PDE4D: variants seen among roughly 807,000 people sequenced by gnomAD.
The protein encoded by PDE4D is 3',5'-cyclic-AMP phosphodiesterase 4D.
Under a neutral mutation model 87.4 loss-of-function variants are expected in PDE4D, and 24 were observed. The observed-to-expected ratio is 0.27, with a 90% CI of 0.20 to 0.39. The LOEUF (loss-of-function observed/expected upper bound fraction) is 0.39. Ranked by LOEUF, PDE4D falls within the 10% of genes least tolerant of loss-of-function variation. The pLI, the probability that PDE4D is intolerant of heterozygous loss-of-function variation, is 1.00. For synonymous variants in PDE4D, 384 were observed against 383.2 expected (o/e 1.00, Z -0.02); for missense variants, 714 against 1,041.0 (o/e 0.69, Z 4.32).
chr5:59,727,040 G>A (rs1040027053), intron 1 of PDE4D, among the ~76,000 whole-genome samples: 9 of 151,900 alleles, frequency 5.9e-5, no homozygotes, highest in African/African-American at 1.9e-4. Flanking sequence ...CAAAACATAC[G>A]ATATATAATA....
At chr5:59,020,381 G>A (rs903823122) in intron 6 of PDE4D, among the ~76,000 whole-genome samples, 1 of 152,142 alleles carries the variant, frequency 6.6e-6, no homozygotes, top group South Asian at 2.1e-4. Context: ...GCTGAGGCAG[G>A]AGAATCACTT....
intron 1 of PDE4D, among the ~76,000 whole-genome samples, chr5:59,832,361 T>G (rs1323456012): frequency 6.6e-6 from 1 of 152,032 alleles, no homozygotes; most frequent in African/African-American, 2.4e-5. Context: ...TAGGAAGATG[T>G]TGGGATCATG....
chr5:59,571,096 G>T (rs771204074), intron 1 of PDE4D, among the ~76,000 whole-genome samples: 3 of 152,094 alleles, frequency 2.0e-5, no homozygotes, highest in Non-Finnish European at 4.4e-5. Flanking sequence ...ATGTATATTG[G>T]TATGAAAATC....
chr5:60,421,808 C>T (rs566728680), intron 1 of PDE4D, among the ~76,000 whole-genome samples: 19 of 152,184 alleles, frequency 1.2e-4, no homozygotes, highest in African/African-American at 3.4e-4. Flanking sequence ...AAATGTTGGA[C>T]GAATGGCAAA....
At chr5:59,494,471 A>AAACAC (rs1806787139) in intron 1 of PDE4D, among the ~76,000 whole-genome samples, 1 of 152,180 alleles carries the variant, frequency 6.6e-6, no homozygotes, top group South Asian at 2.1e-4. Context: ...AAACAAAACA[A>AAACAC]ACAAACAAAC....
intron 1 of PDE4D, among the ~76,000 whole-genome samples, chr5:59,286,113 G>A (rs1581768086): frequency 6.6e-6 from 1 of 152,272 alleles, no homozygotes; most frequent in Admixed American, 6.5e-5. Flanking sequence ...GGACCGAAGG[G>A]CACTAAGTGC....
At chr5:59,067,041 G>T (rs1443479903) in intron 5 of PDE4D, among the ~76,000 whole-genome samples, 1 of 144,724 alleles carries the variant, frequency 6.9e-6, no homozygotes, top group Admixed American at 7.0e-5. Context: ...TAGAGAGAGA[G>T]TTTTGCTCTG....
At chr5:59,493,357 C>T (rs889742979) in intron 1 of PDE4D, among the ~76,000 whole-genome samples, 1 of 152,110 alleles carries the variant, frequency 6.6e-6, no homozygotes, top group African/African-American at 2.4e-5. Flanking sequence ...TACGTAAATG[C>T]CTTGCAATAA....
intron 2 of PDE4D, among the ~76,000 whole-genome samples, chr5:59,990,155 C>T (rs1762862724): frequency 6.6e-6 from 1 of 152,136 alleles, no homozygotes; most frequent in Non-Finnish European, 1.5e-5. Flanking sequence ...CCTTACTATA[C>T]AACTATCTTT....
intron 5 of PDE4D, among the ~76,000 whole-genome samples, chr5:59,064,309 A>G (rs1763570022): frequency 6.6e-6 from 1 of 152,154 alleles, no homozygotes; most frequent in Non-Finnish European, 1.5e-5. Flanking sequence ...TTTTTAAATC[A>G]ACTAGCAGAC....
chr5:59,394,340 G>A (rs1788882456), intron 1 of PDE4D, among the ~76,000 whole-genome samples: 1 of 152,154 alleles, frequency 6.6e-6, no homozygotes. Context: ...TAGGCAAAAT[G>A]CAACCCTCTC....
rs7717248 is a variant in PDE4D, at chr5:59,427,621, G to T, written c.456-211653C>A. On this transcript the variant is annotated intron_variant, in intron 1 of 14. Transcript: ENST00000340635. ...GGCCAAGGCAGGAGGGTCATTTGAG[G>T]CCAACTGTTTGAGAAGAGCCTGGGC... Among the ~76,000 whole-genome samples, 785 of 152,034 alleles carry T rather than the reference G, an allele frequency of 5.2e-3. 10 individuals are homozygous for T. Among genetic ancestry groups the T allele is most frequent in the African/African-American group, 0.017 (702 of 41,446 alleles).
At chr5:59,716,525 T>C (rs1326080177) in intron 1 of PDE4D, among the ~76,000 whole-genome samples, 1 of 152,218 alleles carries the variant, frequency 6.6e-6, no homozygotes, top group Non-Finnish European at 1.5e-5. Flanking sequence ...TGGAGAGGAA[T>C]TGAGCATCGT....
intron 1 of PDE4D, among the ~76,000 whole-genome samples, chr5:59,827,200 A>C (rs968998178): frequency 6.6e-6 from 1 of 152,030 alleles, no homozygotes; most frequent in East Asian, 1.9e-4. Flanking sequence ...AGACTGGTTA[A>C]ATATTAGCCT....
Position 59,487,581 on chromosome 5 carries a change from G to C in PDE4D, c.456-271613C>G, listed in dbSNP as rs377366562. 9.9e-5 allele frequency among the ~76,000 whole-genome samples: 15 copies of C among 151,948 alleles called. No individual in the cohort carries two copies. In the East Asian group the frequency reaches 1.9e-3, roughly 20 times the overall value. On this transcript the variant is annotated intron_variant, in intron 1 of 14. Transcript: ENST00000340635. The stretch of plus-strand genomic sequence containing the variant: ...TAGTCTATTTGATTAAATGCACAGT[G>C]GTTCCAGAAAGCATTTAAGGCAGTT...
intron 2 of PDE4D, among the ~76,000 whole-genome samples, chr5:60,011,421 C>CA (rs1231654220): frequency 6.6e-6 from 1 of 152,034 alleles, no homozygotes; most frequent in Non-Finnish European, 1.5e-5. Context: ...TAATACTTGG[C>CA]AAAAACGAGA....
At chr5:59,211,514 G>GTT (rs1750073198) in intron 2 of PDE4D, among the ~76,000 whole-genome samples, 1 of 152,022 alleles carries the variant, frequency 6.6e-6, no homozygotes, top group Non-Finnish European at 1.5e-5. Context: ...TTTCTCAGCA[G>GTT]TTTTTGCTGT....
intron 1 of PDE4D, among the ~76,000 whole-genome samples, chr5:60,192,634 T>C (rs1171910993): frequency 6.6e-6 from 1 of 152,184 alleles, no homozygotes; most frequent in Non-Finnish European, 1.5e-5. Context: ...GCTTGTGTTA[T>C]AATATTAAGT....
At chr5:59,309,518 C>T (rs1772142916) in intron 1 of PDE4D, among the ~76,000 whole-genome samples, 1 of 152,166 alleles carries the variant, frequency 6.6e-6, no homozygotes, top group South Asian at 2.1e-4. Context: ...CTCTTGCAAA[C>T]AGACCTTCAG....
Sources: gnomAD v4.1 joint callset for allele counts (sites outside exome capture counted in the v4.1 genomes callset) on GRCh38, gnomAD v4.1.1 for gene constraint, MANE v1.5 for transcripts, NCBI Gene and HGNC (gene_info 2026-07-23, HGNC 2026-07-21) for gene names.